The following DHRSX variants were observed in gnomAD, a reference collection of about 807,000 sequenced individuals.
The protein encoded by DHRSX is polyprenol dehydrogenase.
Under a neutral mutation model 34.0 loss-of-function variants are expected in DHRSX, and 31 were observed. The observed-to-expected ratio is 0.91, with a 90% CI of 0.69 to 1.23. DHRSX has a LOEUF of 1.23. Ranked by LOEUF, DHRSX falls within the 50% of genes most tolerant of loss-of-function variation. The pLI, the probability that DHRSX is intolerant of heterozygous loss-of-function variation, is 0.00. For missense variants in DHRSX, 414 were observed against 428.1 expected, an observed-to-expected ratio of 0.97 and a Z score of 0.29; for synonymous variants, 201 against 183.8, an observed-to-expected ratio of 1.09 and a Z score of -0.76.
intron 4 of DHRSX, among the ~76,000 whole-genome samples, chrX:2,286,741 G>C (rs2041809482): frequency 6.6e-6 from 1 of 151,354 alleles, no homozygotes; most frequent in Non-Finnish European, 1.5e-5. Flanking sequence ...TCTCAACAGT[G>C]ACCCCAGGGA....
At chrX:2,495,264 ATATTT>A (rs1397005259) in intron 1 of DHRSX, among the ~76,000 whole-genome samples, 10 of 151,486 alleles carry the variant, frequency 6.6e-5, no homozygotes, top group Non-Finnish European at 7.4e-5. Context: ...GCAAAGGTTT[ATATTT>A]TATCATTATT....
chrX:2,468,605 A>G (rs1344801953), intron 1 of DHRSX, among the ~76,000 whole-genome samples: 1 of 151,480 alleles, frequency 6.6e-6, no homozygotes, highest in Non-Finnish European at 1.5e-5. Flanking sequence ...TTCCCTAAGT[A>G]TGCGGCCAAG....
chrX:2,401,108 CTTTTTT>C (rs35151918), intron 3 of DHRSX, among the ~76,000 whole-genome samples: 2 of 128,506 alleles, frequency 1.6e-5, no homozygotes, highest in South Asian at 5.3e-4. Context: ...ATTTGGGAAG[CTTTTTT>C]TTTTTTTTTT....
intron 6 of DHRSX, among the ~76,000 whole-genome samples, chrX:2,236,777 T>C (rs2016025391): frequency 4.0e-5 from 6 of 151,870 alleles, no homozygotes. Context: ...AAGTGAATTG[T>C]ATGAGCAATT....
chrX:2,447,768 T>C (rs2044157198), intron 1 of DHRSX, among the ~76,000 whole-genome samples: 1 of 131,048 alleles, frequency 7.6e-6, no homozygotes, highest in Non-Finnish European at 1.6e-5. Context: ...TGAAGTGAAA[T>C]AAACCAGGCA....
intron 1 of DHRSX, among the ~76,000 whole-genome samples, chrX:2,437,936 C>T (rs779524657): frequency 6.6e-6 from 1 of 151,772 alleles, no homozygotes; most frequent in African/African-American, 2.4e-5. Context: ...TATGTGGCAA[C>T]CATTCTAAGC....
In DHRSX at chrX:2,220,739, C is replaced by T. The variant is rs367666374; in HGVS notation, c.*302G>A. 70 of 397,884 alleles carry T rather than the reference C, an allele frequency of 1.8e-4. 1 individual carries two copies. The highest frequency in any genetic ancestry group is 1.6e-3 in the East Asian group (42 of 25,932). The allele number at this position is 397,884 out of a possible 1,614,324, so 24.6% of individuals were successfully genotyped here. ...GAACTTTTGTACTCAGTTGTATTAA[C>T]GCGGCAAGGAAAATGGCACATTTAT... On this transcript the variant is annotated 3_prime_UTR_variant, in exon 7 of 7. Transcript: ENST00000334651.
At chrX:2,442,310 T>C (rs1188800977) in intron 1 of DHRSX, among the ~76,000 whole-genome samples, 10 of 151,398 alleles carry the variant, frequency 6.6e-5, no homozygotes, top group Non-Finnish European at 1.5e-4. Flanking sequence ...TTGTTCTTGC[T>C]GTCTCGGGGG....
intron 3 of DHRSX, among the ~76,000 whole-genome samples, chrX:2,407,564 A>C (rs1838662668): frequency 6.6e-6 from 1 of 152,174 alleles, no homozygotes; most frequent in South Asian, 2.1e-4. Context: ...TATCTAACCT[A>C]AGCTTTCAGG....
At chrX:2,412,879 G>T (rs745946080) in intron 2 of DHRSX, among the ~76,000 whole-genome samples, 1 of 152,246 alleles carries the variant, frequency 6.6e-6, no homozygotes, top group South Asian at 2.1e-4. Flanking sequence ...GTCTCCAGAA[G>T]TTGAACTCAC....
chrX:2,345,989 C>T (rs1422007249), intron 3 of DHRSX, among the ~76,000 whole-genome samples: 1 of 152,176 alleles, frequency 6.6e-6, no homozygotes, highest in African/African-American at 2.4e-5. Context: ...TTGACTCAGA[C>T]ACACAGTTCC....
At chrX:2,430,367 G>A in intron 1 of DHRSX, among the ~76,000 whole-genome samples, 1 of 152,030 alleles carries the variant, frequency 6.6e-6, no homozygotes. Context: ...GCTGGCATTG[G>A]GGCTGAGAAG....
intron 3 of DHRSX, among the ~76,000 whole-genome samples, chrX:2,361,792 G>A (rs2042937311): frequency 6.6e-6 from 1 of 152,186 alleles, no homozygotes; most frequent in Admixed American, 6.5e-5. Flanking sequence ...TTGATTGACT[G>A]TCTGATTAGA....
intron 3 of DHRSX, among the ~76,000 whole-genome samples, chrX:2,337,470 AGTTTTTTTGTTTTTT>A (rs1464648075): frequency 6.6e-6 from 1 of 152,114 alleles, no homozygotes; most frequent in Non-Finnish European, 1.5e-5. Flanking sequence ...GCTTAAAACA[AGTTTTTTTGTTTTTT>A]GTTTTTTTGT....
intron 3 of DHRSX, among the ~76,000 whole-genome samples, chrX:2,328,079 C>CAAAAAA (rs35824420): frequency 2.1e-4 from 25 of 118,516 alleles, no homozygotes; most frequent in Admixed American, 6.3e-4. Context: ...GACTCCGTCT[C>CAAAAAA]AAAAAAAAAA....
At chrX:2,492,719 C>T (rs1408968309) in intron 1 of DHRSX, among the ~76,000 whole-genome samples, 14 of 151,994 alleles carry the variant, frequency 9.2e-5, no homozygotes, top group African/African-American at 1.9e-4. Flanking sequence ...AGCCCAGGGA[C>T]GCCAGGAGCC....
At chrX:2,264,027 T>A (rs1326942180) in intron 5 of DHRSX, among the ~76,000 whole-genome samples, 1 of 152,184 alleles carries the variant, frequency 6.6e-6, no homozygotes, top group Non-Finnish European at 1.5e-5. Context: ...TTTAAATAGA[T>A]CCGTTTTCCT....
chrX:2,425,144 A>G, intron 2 of DHRSX, 53 bp downstream of exon 2: 2 of 1,417,002 alleles, frequency 1.4e-6, no homozygotes, highest in African/African-American at 2.9e-5. Flanking sequence ...CTGTCTCAGA[A>G]AAAAAAAAAA....
At position 2,352,840 on chromosome X, in the gene DHRSX, G is replaced by A. The variant is rs186500023; in HGVS notation, c.286+55905C>T. On this transcript the variant is annotated intron_variant, in intron 3 of 6. Coordinates refer to ENST00000334651, the MANE Select transcript of DHRSX (RefSeq NM_145177.3). ...CCAGCATGGGCATTCGGACCAGCAC[G>A]GGCATTGAGAACAGCAGTTCAGCTT... Among the ~76,000 whole-genome samples, 304 of 152,250 alleles carry A rather than the reference G, an allele frequency of 2.0e-3. 1 individual carries two copies. The highest frequency in any genetic ancestry group is 3.3e-3 in the Non-Finnish European group (224 of 68,018).
Sources: gnomAD v4.1 joint callset for allele counts (sites outside exome capture counted in the v4.1 genomes callset) on GRCh38, gnomAD v4.1.1 for gene constraint, MANE v1.5 for transcripts, NCBI Gene and HGNC (gene_info 2026-07-23, HGNC 2026-07-21) for gene names.